Variants in FHIT observed in about 807,000 individuals in gnomAD.
FHIT encodes the protein fragile histidine triad diadenosine triphosphatase.
In FHIT, 19 loss-of-function variants were observed where a neutral mutation model predicts 17.9. The observed-to-expected ratio is 1.06, with a 90% CI of 0.74 to 1.56. The LOEUF is 1.56. Among genes scored for constraint, FHIT ranks in the 40% most tolerant of loss-of-function variants. The pLI, the probability that FHIT is intolerant of heterozygous loss-of-function variation, is 0.00. For synonymous variants in FHIT, 81 were observed against 69.7 expected, an observed-to-expected ratio of 1.16 and a Z score of -0.81; for missense variants, 248 against 189.2, an observed-to-expected ratio of 1.31 and a Z score of -1.82.
At chr3:60,837,732 TTC>T (rs1293860432) in intron 3 of FHIT, among the ~76,000 whole-genome samples, 2 of 152,148 alleles carry the variant, frequency 1.3e-5, no homozygotes, top group Non-Finnish European at 2.9e-5. Context: ...CTTTTTGGAA[TTC>T]TGTTTTGATT....
At chr3:60,965,699 G>C (rs1029644292) in intron 3 of FHIT, among the ~76,000 whole-genome samples, 19 of 152,194 alleles carry the variant, frequency 1.2e-4, no homozygotes, top group Non-Finnish European at 7.3e-5. Flanking sequence ...TTTGCTGGAG[G>C]TCCACTCCAG....
chr3:60,161,412 C>G (rs1277531325), intron 5 of FHIT, among the ~76,000 whole-genome samples: 3 of 152,132 alleles, frequency 2.0e-5, no homozygotes, highest in Admixed American at 6.6e-5. Flanking sequence ...TGTGCCAGTG[C>G]TTAGGAATCT....
At chr3:60,262,669 C>A (rs936719576) in intron 5 of FHIT, among the ~76,000 whole-genome samples, 7 of 151,882 alleles carry the variant, frequency 4.6e-5, no homozygotes, top group African/African-American at 1.4e-4. Context: ...AAGATTAGAA[C>A]TCTTTTTACC....
chr3:59,749,787 G>A (rs756203494), intron 9 of FHIT: 45 of 222,130 alleles, frequency 2.0e-4, no homozygotes, highest in Non-Finnish European at 3.0e-4. Flanking sequence ...AACCCTGTGA[G>A]GATGGTTTCA....
intron 5 of FHIT, among the ~76,000 whole-genome samples, chr3:60,239,031 T>C (rs768604879): frequency 1.1e-4 from 16 of 152,190 alleles, no homozygotes; most frequent in Non-Finnish European, 2.1e-4. Flanking sequence ...AGAATGTATA[T>C]ACTTAGCCCA....
intron 8 of FHIT, among the ~76,000 whole-genome samples, chr3:59,895,555 C>T (rs1045394724): frequency 6.6e-6 from 1 of 152,146 alleles, no homozygotes; most frequent in Non-Finnish European, 1.5e-5. Context: ...CCTTCATTCC[C>T]TATCTTCCCT....
intron 5 of FHIT, among the ~76,000 whole-genome samples, chr3:60,339,946 A>G (rs559923135): frequency 6.6e-6 from 1 of 152,144 alleles, no homozygotes; most frequent in Admixed American, 6.5e-5. Flanking sequence ...AAAGTTGCCA[A>G]TCACTCACTG....
chr3:60,233,702 A>T (rs1704618236), intron 5 of FHIT, among the ~76,000 whole-genome samples: 1 of 152,060 alleles, frequency 6.6e-6, no homozygotes, highest in South Asian at 2.1e-4. Flanking sequence ...AGCTCCCATA[A>T]TTCCCATGTG....
chr3:60,563,208 G>C (rs979713718), intron 4 of FHIT, among the ~76,000 whole-genome samples: 3 of 152,138 alleles, frequency 2.0e-5, no homozygotes, highest in African/African-American at 7.2e-5. Context: ...GAGTTGGTGA[G>C]GCAGCAGTGC....
chr3:59,932,678 T>A (rs1240753122), intron 7 of FHIT, among the ~76,000 whole-genome samples: 7 of 152,204 alleles, frequency 4.6e-5, no homozygotes, highest in East Asian at 1.9e-4. Context: ...CCTTTTTTTT[T>A]AAATCCTACT....
At chr3:60,474,413 T>C (rs2033241962) in intron 5 of FHIT, among the ~76,000 whole-genome samples, 3 of 152,194 alleles carry the variant, frequency 2.0e-5, no homozygotes, top group African/African-American at 7.2e-5. Context: ...TCATATATAA[T>C]AAAAACACCA....
rs543319469 is a variant in FHIT, at chr3:59,835,934, G to A, written c.349-83613C>T. 1.8e-4 allele frequency among the ~76,000 whole-genome samples: 27 copies of A among 152,210 alleles called. 1 individual carries two copies. Among genetic ancestry groups the A allele is most frequent in the Admixed American group, 1.6e-3 (25 of 15,274 alleles). Reference sequence around the variant, plus strand: ...CCTAGTCGCTTAAGAGTAAATCAAGGGGACACAAATAATCTAGGAGGGGAT... The same window carrying A: ...CCTAGTCGCTTAAGAGTAAATCAAGAGGACACAAATAATCTAGGAGGGGAT... On this transcript the variant is annotated intron_variant, in intron 8 of 9. Coordinates refer to ENST00000492590, the MANE Select transcript of FHIT (RefSeq NM_002012.4).
intron 5 of FHIT, among the ~76,000 whole-genome samples, chr3:60,051,488 T>C (rs980816539): frequency 1.3e-5 from 2 of 152,028 alleles, no homozygotes; most frequent in African/African-American, 2.4e-5. Flanking sequence ...AATCAAAGAC[T>C]ACCTAGAACA....
chr3:59,926,604 T>G (rs921367582), intron 7 of FHIT, among the ~76,000 whole-genome samples: 2 of 152,146 alleles, frequency 1.3e-5, no homozygotes, highest in Non-Finnish European at 2.9e-5. Flanking sequence ...CAAGAGAGGG[T>G]AAGTTCCAAC....
intron 5 of FHIT, among the ~76,000 whole-genome samples, chr3:60,171,436 A>C (rs1349642543): frequency 6.6e-6 from 1 of 152,176 alleles, no homozygotes; most frequent in Non-Finnish European, 1.5e-5. Context: ...GACTCCTATC[A>C]AAGCAAACCT....
At chr3:60,942,581 GTTC>G (rs1328965995) in intron 3 of FHIT, among the ~76,000 whole-genome samples, 4 of 147,288 alleles carry the variant, frequency 2.7e-5, no homozygotes, top group African/African-American at 1.0e-4. Context: ...CTCTCTCTTT[GTTC>G]TTCTCTCTTT....
intron 5 of FHIT, among the ~76,000 whole-genome samples, chr3:60,418,376 GTATATATATATATATATATA>G (rs869203310): frequency 8.0e-4 from 12 of 14,918 alleles, no homozygotes; most frequent in African/African-American, 2.5e-3. Flanking sequence ...CTGAATGTGT[GTATATATATATATATATATA>G]TATATATATA....
At chr3:61,212,986 A>C (rs1001432761) in intron 1 of FHIT, among the ~76,000 whole-genome samples, 6 of 152,218 alleles carry the variant, frequency 3.9e-5, no homozygotes, top group Non-Finnish European at 8.8e-5. Flanking sequence ...GGCCTGCCCT[A>C]AAAGAGCTCC....
intron 5 of FHIT, among the ~76,000 whole-genome samples, chr3:60,407,625 C>G (rs1701914910): frequency 6.6e-6 from 1 of 152,160 alleles, no homozygotes; most frequent in South Asian, 2.1e-4. Flanking sequence ...AGCGATCCTC[C>G]TATCTCGGCC....
Sources: allele counts gnomAD v4.1 joint callset (sites outside exome capture counted in the v4.1 genomes callset), GRCh38; gene constraint gnomAD v4.1.1; transcripts MANE v1.5; gene names NCBI Gene and HGNC (gene_info 2026-07-23, HGNC 2026-07-21).